RALGPS1: variants seen among roughly 807,000 people sequenced by gnomAD.
RALGPS1 encodes the protein ras-specific guanine nucleotide-releasing factor RalGPS1.
In RALGPS1, 19 loss-of-function variants were observed where a neutral mutation model predicts 78.8. The ratio of observed to expected loss-of-function variants is 0.24; its 90% CI spans 0.17 to 0.35. The LOEUF is 0.35. Among genes scored for constraint, RALGPS1 ranks in the 10% least tolerant of loss-of-function variants. The pLI is 1.00. For missense variants in RALGPS1, 454 were observed against 688.3 expected, an observed-to-expected ratio of 0.66 and a Z score of 3.81; for synonymous variants, 228 against 256.3, an observed-to-expected ratio of 0.89 and a Z score of 1.06.
chr9:126,915,208 T>C (rs2033990921), intron 1 of RALGPS1, among the ~76,000 whole-genome samples: 1 of 115,754 alleles, frequency 8.6e-6, no homozygotes, highest in Non-Finnish European at 1.8e-5. Flanking sequence ...GGTTCTGGGG[T>C]CCGGGGCCAG....
At chr9:127,157,713 A>T (rs2058781931) in intron 8 of RALGPS1, among the ~76,000 whole-genome samples, 1 of 152,096 alleles carries the variant, frequency 6.6e-6, no homozygotes, top group East Asian at 1.9e-4. Context: ...TGTTATTCTA[A>T]TAGTTTTTCA....
intron 8 of RALGPS1, among the ~76,000 whole-genome samples, chr9:127,160,566 A>T (rs2058964082): frequency 6.6e-6 from 1 of 152,172 alleles, no homozygotes; most frequent in African/African-American, 2.4e-5. Context: ...GAGGAGGTCC[A>T]GTCTGCGGGT....
chr9:127,108,079 G>C (rs1276928549), intron 8 of RALGPS1: 1 of 1,611,396 alleles, frequency 6.2e-7, no homozygotes, highest in Admixed American at 1.7e-5. Flanking sequence ...CGGGGCAGCG[G>C]GGGGTGGCTG....
At chr9:127,188,155 G>A (rs1233918770) in intron 11 of RALGPS1, among the ~76,000 whole-genome samples, 1 of 148,806 alleles carries the variant, frequency 6.7e-6, no homozygotes, top group African/African-American at 2.5e-5. Context: ...TCTGCCTCCT[G>A]GGTTCAAGTG....
At chr9:127,188,237 G>GCA (rs2060789778) in intron 11 of RALGPS1, among the ~76,000 whole-genome samples, 2 of 150,084 alleles carry the variant, frequency 1.3e-5, no homozygotes, top group Admixed American at 6.6e-5. Flanking sequence ...AATTTTTTGT[G>GCA]TTTTTTAGTA....
intron 1 of RALGPS1, among the ~76,000 whole-genome samples, chr9:126,960,335 G>A (rs1469444245): frequency 6.6e-6 from 1 of 150,834 alleles, no homozygotes; most frequent in African/African-American, 2.4e-5. Flanking sequence ...CCGGGTTCAA[G>A]CAATTCTCTT....
chr9:127,041,482 G>A (rs2047317280), intron 5 of RALGPS1, among the ~76,000 whole-genome samples: 1 of 152,144 alleles, frequency 6.6e-6, no homozygotes, highest in Non-Finnish European at 1.5e-5. Context: ...ATGAGTGTGT[G>A]GCTTCAATCC....
At chr9:127,084,552 G>C (rs1429326793) in intron 8 of RALGPS1, among the ~76,000 whole-genome samples, 1 of 152,220 alleles carries the variant, frequency 6.6e-6, no homozygotes, top group African/African-American at 2.4e-5. Flanking sequence ...CTGGGCCTGA[G>C]TCAGACAGGA....
In RALGPS1 at chr9:127,212,840, A is replaced by G; in HGVS notation, c.1447-104A>G. Reference sequence around the variant, plus strand: ...GTGAACTGCGGAGGATGCAGGTGGGAAGGCGGCAGGGGAGGGAGGAAGCCT... The same window carrying G: ...GTGAACTGCGGAGGATGCAGGTGGGGAGGCGGCAGGGGAGGGAGGAAGCCT... On this transcript the variant is annotated intron_variant, in intron 16 of 18. Coordinates refer to ENST00000259351, the MANE Select transcript of RALGPS1 (RefSeq NM_014636.3). The surrounding 1 kb of genome is among the most constrained non-coding windows in gnomAD (Gnocchi z 6.0). 6.4e-7 allele frequency: 1 copy of G among 1,569,522 alleles called. No individual in the cohort carries two copies. The highest frequency in any genetic ancestry group is 2.3e-5 in the East Asian group (1 of 43,280).
At chr9:127,203,014 G>A (rs889432057) in intron 14 of RALGPS1, among the ~76,000 whole-genome samples, 3 of 152,200 alleles carry the variant, frequency 2.0e-5, no homozygotes, top group East Asian at 1.9e-4. Flanking sequence ...GGAAGGGAGC[G>A]TTTAGTCAGG....
intron 7 of RALGPS1, among the ~76,000 whole-genome samples, chr9:127,068,386 G>A (rs1466579218): frequency 6.6e-6 from 1 of 152,154 alleles, no homozygotes; most frequent in African/African-American, 2.4e-5. Flanking sequence ...AAGAGACCTG[G>A]TGTAGCTGTG....
chr9:127,086,309 A>G (rs1026401156), intron 8 of RALGPS1, among the ~76,000 whole-genome samples: 7 of 152,098 alleles, frequency 4.6e-5, no homozygotes, highest in Non-Finnish European at 7.4e-5. Flanking sequence ...CTGGCAAGTT[A>G]CTCTTCAACA....
At chr9:126,924,629 G>A (rs1178584308) in intron 1 of RALGPS1, among the ~76,000 whole-genome samples, 1 of 152,200 alleles carries the variant, frequency 6.6e-6, no homozygotes, top group African/African-American at 2.4e-5. Flanking sequence ...CTGAGATTGT[G>A]TTATGAGGCT....
At chr9:127,108,237 C>G (rs1275014412) in intron 8 of RALGPS1, 2 of 1,614,058 alleles carry the variant, frequency 1.2e-6, no homozygotes, top group Non-Finnish European at 8.5e-7. Context: ...TGTCGGCTGT[C>G]TGGTTCAGGA....
intron 13 of RALGPS1, 97 bp from the exon 14 acceptor site, chr9:127,198,918 C>A (rs1263063203): frequency 4.6e-6 from 5 of 1,090,246 alleles, no homozygotes; most frequent in South Asian, 1.2e-5. Context: ...TTCTGTGGCA[C>A]TTCTGTGAGC....
At chr9:127,067,434 C>T (rs1356002238) in intron 7 of RALGPS1, among the ~76,000 whole-genome samples, 2 of 152,212 alleles carry the variant, frequency 1.3e-5, no homozygotes, top group African/African-American at 4.8e-5. Context: ...CCTCTGTGGT[C>T]CCAGAGGCTG....
intron 8 of RALGPS1, among the ~76,000 whole-genome samples, chr9:127,090,878 A>G (rs2052386376): frequency 6.6e-6 from 1 of 152,180 alleles, no homozygotes; most frequent in Non-Finnish European, 1.5e-5. Flanking sequence ...TGGGAGGCTG[A>G]TATCTGGACT....
intron 8 of RALGPS1, among the ~76,000 whole-genome samples, chr9:127,113,382 C>G (rs1158482749): frequency 1.3e-5 from 2 of 152,116 alleles, no homozygotes; most frequent in Non-Finnish European, 2.9e-5. Context: ...ACCCCAATTC[C>G]TCCCCTCCCC....
intron 8 of RALGPS1, among the ~76,000 whole-genome samples, chr9:127,149,510 A>G (rs1422699366): frequency 6.6e-6 from 1 of 152,216 alleles, no homozygotes; most frequent in Non-Finnish European, 1.5e-5. Flanking sequence ...TCCACTTGGA[A>G]CTAAGTCCTG....
Sources: gnomAD v4.1 joint callset for allele counts (sites outside exome capture counted in the v4.1 genomes callset) on GRCh38, gnomAD v4.1.1 for gene constraint, Gnocchi (gnomAD v3.1) non-coding constraint, MANE v1.5 for transcripts, NCBI Gene and HGNC (gene_info 2026-07-23, HGNC 2026-07-21) for gene names.